Variants in SCHIP1 observed in about 807,000 individuals in gnomAD.
SCHIP1 encodes the protein schwannomin interacting protein 1, also known as schwannomin-interacting protein 1.
Under a neutral mutation model 29.7 loss-of-function variants are expected in SCHIP1, and 8 were observed. That is an observed-to-expected ratio of 0.27 (90% CI 0.16 to 0.49). The LOEUF (loss-of-function observed/expected upper bound fraction) is 0.49, where lower values mean the gene tolerates loss of function less well. Among genes scored for constraint, SCHIP1 ranks in the 20% least tolerant of loss-of-function variants. SCHIP1 has a pLI of 0.99. For missense variants in SCHIP1, 193 were observed against 294.6 expected, an observed-to-expected ratio of 0.66 and a Z score of 2.52; for synonymous variants, 76 against 94.9, an observed-to-expected ratio of 0.80 and a Z score of 1.16.
chr3:159,676,206 A>G, the SCHIP1 span, among the ~76,000 whole-genome samples: 1 of 152,194 alleles, frequency 6.6e-6, no homozygotes. Context: ...AAGGGTTTAT[A>G]CTTTACAGTT....
chr3:159,388,984 T>C, the SCHIP1 span, among the ~76,000 whole-genome samples: 1 of 152,222 alleles, frequency 6.6e-6, no homozygotes, highest in Admixed American at 6.6e-5. Context: ...CTAGGAAATG[T>C]CTTTCGTAAG....
the SCHIP1 span, among the ~76,000 whole-genome samples, chr3:159,736,148 G>C: frequency 6.6e-6 from 1 of 152,120 alleles, no homozygotes; most frequent in Admixed American, 6.5e-5. Context: ...TGTTTCTAAG[G>C]ATGTGTAAAT....
the SCHIP1 span, among the ~76,000 whole-genome samples, chr3:159,483,902 G>C: frequency 6.6e-6 from 1 of 152,212 alleles, no homozygotes; most frequent in East Asian, 1.9e-4. Flanking sequence ...GTGATAAGTG[G>C]AAGTAAAACA....
intron 1 of SCHIP1, among the ~76,000 whole-genome samples, chr3:159,862,820 CT>C (rs113526431): frequency 0.15 from 22,342 of 150,086 alleles, 1,806 homozygotes; most frequent in African/African-American, 0.23. Flanking sequence ...TTTTAAAAAA[CT>C]TTTTTTTTTA....
chr3:159,553,850 G>C, the SCHIP1 span, among the ~76,000 whole-genome samples: 2 of 152,126 alleles, frequency 1.3e-5, no homozygotes, highest in Non-Finnish European at 2.9e-5. Context: ...GCCCAGGCTG[G>C]AGTGCAGTGG....
At chr3:159,647,317 G>A in the SCHIP1 span, among the ~76,000 whole-genome samples, 1 of 152,092 alleles carries the variant, frequency 6.6e-6, no homozygotes, top group African/African-American at 2.4e-5. Flanking sequence ...GAGTTCAGTG[G>A]AGAGCATGGG....
At chr3:159,492,936 G>T in the SCHIP1 span, among the ~76,000 whole-genome samples, 14 of 152,148 alleles carry the variant, frequency 9.2e-5, no homozygotes, top group Non-Finnish European at 1.9e-4. Context: ...AAGAGATGGG[G>T]GACCAATAGT....
the SCHIP1 span, among the ~76,000 whole-genome samples, chr3:159,413,075 G>A: frequency 3.3e-5 from 5 of 152,186 alleles, no homozygotes; most frequent in African/African-American, 9.7e-5. Flanking sequence ...GAAGTGCAGA[G>A]CAAAAGAGGA....
chr3:159,714,269 C>G, the SCHIP1 span, among the ~76,000 whole-genome samples: 1 of 151,976 alleles, frequency 6.6e-6, no homozygotes, highest in Admixed American at 6.6e-5. Flanking sequence ...GAAGGAGGTT[C>G]CAAGATGGCC....
At chr3:159,505,230 T>C in the SCHIP1 span, among the ~76,000 whole-genome samples, 1 of 152,176 alleles carries the variant, frequency 6.6e-6, no homozygotes, top group Non-Finnish European at 1.5e-5. Context: ...AATTATTGAA[T>C]AAGTCAATGT....
the SCHIP1 span, among the ~76,000 whole-genome samples, chr3:159,686,338 C>T: frequency 1.3e-5 from 2 of 152,298 alleles, no homozygotes; most frequent in Non-Finnish European, 2.9e-5. Context: ...ATACCTAATT[C>T]TCTAAAAGAA....
the SCHIP1 span, among the ~76,000 whole-genome samples, chr3:159,341,468 G>A: frequency 2.6e-5 from 4 of 152,120 alleles, no homozygotes; most frequent in Non-Finnish European, 1.5e-5. Flanking sequence ...TAAGACCTGT[G>A]AGTGAAAGTT....
the SCHIP1 span, among the ~76,000 whole-genome samples, chr3:159,585,114 T>G: frequency 6.6e-6 from 1 of 152,024 alleles, no homozygotes; most frequent in Non-Finnish European, 1.5e-5. Context: ...TTTCCTGCTT[T>G]TTGTTTTTCT....
At chr3:159,528,513 C>A in the SCHIP1 span, among the ~76,000 whole-genome samples, 2 of 152,200 alleles carry the variant, frequency 1.3e-5, no homozygotes, top group Non-Finnish European at 2.9e-5. Flanking sequence ...CTTTCTCTGC[C>A]TCTCTCATGT....
chr3:159,681,651 A>T, the SCHIP1 span, among the ~76,000 whole-genome samples: 8 of 152,320 alleles, frequency 5.3e-5, 1 homozygote, highest in African/African-American at 1.9e-4. Flanking sequence ...CTTATGTACC[A>T]CAGAGTTTAC....
chr3:159,648,582 T>C, the SCHIP1 span, among the ~76,000 whole-genome samples: 1 of 152,134 alleles, frequency 6.6e-6, no homozygotes, highest in Non-Finnish European at 1.5e-5. Flanking sequence ...TATTGAACAT[T>C]GCCTCATCAT....
At chr3:159,680,713 A>AATATATGTATATTAATATACATATATT in the SCHIP1 span, among the ~76,000 whole-genome samples, 1 of 80,014 alleles carries the variant, frequency 1.2e-5, no homozygotes, top group African/African-American at 6.1e-5. Context: ...TATTATATAT[A>AATATATGTATATTAATATACATATATT]ATATATGTAT....
chr3:159,786,312 A>G, the SCHIP1 span, among the ~76,000 whole-genome samples: 1 of 152,194 alleles, frequency 6.6e-6, no homozygotes, highest in Non-Finnish European at 1.5e-5. Context: ...CCTAACCTCT[A>G]AATCATCTAT....
At chr3:159,691,951 GT>G in the SCHIP1 span, among the ~76,000 whole-genome samples, 1 of 150,956 alleles carries the variant, frequency 6.6e-6, no homozygotes, top group Non-Finnish European at 1.5e-5. Flanking sequence ...GGCTTGTAGG[GT>G]TTCTGCAGAG....
Sources: gnomAD v4.1 joint callset for allele counts (sites outside exome capture counted in the v4.1 genomes callset) on GRCh38, gnomAD v4.1.1 for gene constraint, MANE v1.5 for transcripts, NCBI Gene and HGNC (gene_info 2026-07-23, HGNC 2026-07-21) for gene names.